Variants in RAI2 observed in about 807,000 individuals in gnomAD.
The protein encoded by RAI2 is retinoic acid-induced protein 2.
Under a neutral mutation model 15.3 loss-of-function variants are expected in RAI2, and 5 were observed. The observed-to-expected ratio is 0.33, with a 90% CI of 0.17 to 0.69. The LOEUF (loss-of-function observed/expected upper bound fraction) is 0.69. Ranked by LOEUF, RAI2 falls within the 30% of genes least tolerant of loss-of-function variation. RAI2 has a pLI of 0.69. For missense variants in RAI2, 424 were observed against 424.7 expected, an observed-to-expected ratio of 1.00 and a Z score of 0.01; for synonymous variants, 191 against 184.0, an observed-to-expected ratio of 1.04 and a Z score of -0.31.
chrX:17,848,379 T>C lies in RAI2; in HGVS notation c.-25+12719A>G, dbSNP rs139241296. ...TGGGGGAAAACAGAAGATTTGTGCA[T>C]ACTCAGAAAAAAATATTCCATACCA... On this transcript the variant is annotated intron_variant, in intron 1 of 1. Coordinates refer to ENST00000451717, the MANE Select transcript of RAI2 (RefSeq NM_021785.6). Among the ~76,000 whole-genome samples, 1,007 of 109,026 alleles carry C rather than the reference T, an allele frequency of 9.2e-3. 5 individuals carry two copies. The highest frequency in any genetic ancestry group is 0.014 in the Non-Finnish European group (759 of 52,481). The allele number at this position is 109,026 out of a possible 115,157, so 94.7% of individuals were successfully genotyped here.
In RAI2 at chrX:17,800,984, G is replaced by A; in HGVS notation, c.1027C>T (p.Leu343=). 1 of 1,211,758 alleles carries A rather than the reference G, an allele frequency of 8.3e-7. No individual in the cohort carries two copies. The highest frequency in any genetic ancestry group is 1.1e-6 in the Non-Finnish European group (1 of 895,502). The change falls in exon 2 of 2, where the codon CTA becomes TTA. Residue 343 remains leucine (L), a synonymous_variant. Transcript: ENST00000451717. ...SPPIFQEDAA[L]DLSVAAHRKS... Reference sequence around the variant, plus strand: ...CGGTGGGCTGCCACTGACAGGTCTAGGGCTGCATCTTCCTGGAAGATTGGG... The same window carrying A: ...CGGTGGGCTGCCACTGACAGGTCTAAGGCTGCATCTTCCTGGAAGATTGGG...
chrX:17,833,945 G>T (rs2067308074), intron 1 of RAI2, among the ~76,000 whole-genome samples: 1 of 111,675 alleles, frequency 9.0e-6, no homozygotes, highest in African/African-American at 3.3e-5. Flanking sequence ...AAAACTGAGT[G>T]GGGTGGTTGT....
chrX:17,851,240 G>A (rs756146085), intron 1 of RAI2, among the ~76,000 whole-genome samples: 1 of 112,336 alleles, frequency 8.9e-6, no homozygotes, highest in South Asian at 3.8e-4. Context: ...TAGAACAAAT[G>A]GCCCCATATT....
intron 1 of RAI2, among the ~76,000 whole-genome samples, chrX:17,802,421 T>C (rs2066925245): frequency 8.9e-6 from 1 of 112,728 alleles, no homozygotes; most frequent in South Asian, 3.6e-4. Flanking sequence ...CTTGTTCAAA[T>C]TCAAATAAGC....
intron 1 of RAI2, among the ~76,000 whole-genome samples, chrX:17,836,972 G>T (rs978751504): frequency 8.9e-6 from 1 of 112,221 alleles, no homozygotes; most frequent in African/African-American, 3.2e-5. Context: ...GTCCCACTGG[G>T]AGTTAACCTC....
intron 1 of RAI2, among the ~76,000 whole-genome samples, chrX:17,843,556 A>T (rs1301300241): frequency 1.8e-5 from 2 of 111,083 alleles, no homozygotes; most frequent in African/African-American, 3.3e-5. Context: ...GTTCTTGAAT[A>T]AAAAAAAAGA....
intron 1 of RAI2, among the ~76,000 whole-genome samples, chrX:17,806,407 G>A (rs1269746053): frequency 8.9e-6 from 1 of 112,442 alleles, no homozygotes; most frequent in African/African-American, 3.2e-5. Context: ...CATTCCACCT[G>A]TCCCCATTAT....
chrX:17,846,442 T>G (rs910874083), intron 1 of RAI2, among the ~76,000 whole-genome samples: 1 of 111,584 alleles, frequency 9.0e-6, no homozygotes, highest in African/African-American at 3.3e-5. Flanking sequence ...TCACCCAAAG[T>G]CCCCTCCTGC....
chrX:17,857,530 G>A (rs564033214), intron 1 of RAI2, among the ~76,000 whole-genome samples: 1 of 111,676 alleles, frequency 9.0e-6, no homozygotes, highest in Middle Eastern at 4.6e-3. Context: ...CTGAGCCTTA[G>A]TTTCCTCACC....
intron 1 of RAI2, among the ~76,000 whole-genome samples, chrX:17,841,080 CT>C (rs368191759): frequency 2.4e-4 from 26 of 106,715 alleles, no homozygotes; most frequent in East Asian, 8.8e-4. Flanking sequence ...AGTTCAGAAG[CT>C]TTTTTTTTTA....
chrX:17,836,102 C>T (rs2067331021), intron 1 of RAI2, among the ~76,000 whole-genome samples: 1 of 110,793 alleles, frequency 9.0e-6, no homozygotes. Flanking sequence ...CCCTGCAACC[C>T]CTGTATCTTA....
At position 17,839,828 on chromosome X, in the gene RAI2, G is replaced by A. The variant is rs374629214; in HGVS notation, c.-25+21270C>T. ...CAAATATTACCCAGTCCTTGCAAAG[G>A]AGGACACAGGTTGGTCTGTTCTGAC... is the stretch of plus-strand genomic sequence containing the variant. On this transcript the variant is annotated intron_variant, in intron 1 of 1. Transcript: ENST00000451717. Among the ~76,000 whole-genome samples the A allele has an allele frequency of 3.6e-5, 4 of 112,628 alleles. No individual in the cohort carries two copies. In the East Asian group the frequency reaches 8.4e-4, roughly 24 times the overall value.
chrX:17,833,742 TTTAC>T (rs1241879874), intron 1 of RAI2, among the ~76,000 whole-genome samples: 1 of 111,975 alleles, frequency 8.9e-6, no homozygotes, highest in Non-Finnish European at 1.9e-5. Flanking sequence ...ATGAACTCGC[TTTAC>T]TTACTTTATA....
At chrX:17,812,617 C>G (rs1415001786) in intron 1 of RAI2, among the ~76,000 whole-genome samples, 1 of 111,971 alleles carries the variant, frequency 8.9e-6, no homozygotes, top group Non-Finnish European at 1.9e-5. Flanking sequence ...ATTGACCGCA[C>G]ATAATTTCAC....
chrX:17,809,321 G>A (rs1027875683), intron 1 of RAI2, among the ~76,000 whole-genome samples: 1 of 111,336 alleles, frequency 9.0e-6, no homozygotes, highest in Non-Finnish European at 1.9e-5. Context: ...CAGTGGCTAC[G>A]GGGAAGATCT....
intron 1 of RAI2, among the ~76,000 whole-genome samples, chrX:17,839,927 G>A (rs771053314): frequency 2.7e-5 from 3 of 112,160 alleles, no homozygotes; most frequent in Non-Finnish European, 5.6e-5. Context: ...AGAGAATATA[G>A]ATTTTCTATA....
intron 1 of RAI2, among the ~76,000 whole-genome samples, chrX:17,857,380 TG>T (rs1214765438): frequency 4.5e-5 from 5 of 111,872 alleles, no homozygotes; most frequent in African/African-American, 6.5e-5. Flanking sequence ...CTACGGGGCT[TG>T]CTTTAACGAT....
intron 1 of RAI2, among the ~76,000 whole-genome samples, chrX:17,814,994 G>A (rs761936607): frequency 2.3e-4 from 25 of 109,897 alleles, no homozygotes; most frequent in African/African-American, 7.9e-4. Context: ...GACAATGCAG[G>A]AAAGAGAGGG....
At chrX:17,853,640 C>T (rs1200651312) in intron 1 of RAI2, among the ~76,000 whole-genome samples, 2 of 110,527 alleles carry the variant, frequency 1.8e-5, no homozygotes, top group African/African-American at 6.6e-5. Flanking sequence ...CCAGATAAAG[C>T]CAAATATGCT....
Sources: allele counts gnomAD v4.1 joint callset (sites outside exome capture counted in the v4.1 genomes callset), GRCh38; gene constraint gnomAD v4.1.1; transcripts MANE v1.5; gene names NCBI Gene and HGNC (gene_info 2026-07-23, HGNC 2026-07-21).